PACS2: variants seen among roughly 807,000 people sequenced by gnomAD.
PACS2 encodes phosphofurin acidic cluster sorting protein 2.
In PACS2, 36 loss-of-function variants were observed where a neutral mutation model predicts 113.0. The ratio of observed to expected loss-of-function variants is 0.32; its 90% CI spans 0.24 to 0.42. The LOEUF (loss-of-function observed/expected upper bound fraction) is 0.42. Ranked by LOEUF, PACS2 falls within the 10% of genes least tolerant of loss-of-function variation. PACS2 has a pLI of 1.00. For synonymous variants in PACS2, 589 were observed against 536.1 expected, an observed-to-expected ratio of 1.10 and a Z score of -1.36; for missense variants, 1,015 against 1,239.5, an observed-to-expected ratio of 0.82 and a Z score of 2.72.
chr14:105,339,040 G>C (rs375583359), intron 1 of PACS2, among the ~76,000 whole-genome samples: 1 of 152,194 alleles, frequency 6.6e-6, no homozygotes, highest in Admixed American at 6.5e-5. Flanking sequence ...ACCAACCCAG[G>C]CTGACTTCAG....
chr14:105,305,922 C>T (rs981389126), intron 1 of PACS2, among the ~76,000 whole-genome samples: 1 of 152,242 alleles, frequency 6.6e-6, no homozygotes, highest in African/African-American at 2.4e-5. Flanking sequence ...CCAAAGAGGA[C>T]GCTGGAAACG....
In PACS2 at chr14:105,315,069, C is replaced by T. The variant is rs868423714; in HGVS notation, c.119+32C>T. 257 of 1,127,456 alleles carry T rather than the reference C, an allele frequency of 2.3e-4. No individual in the cohort carries two copies. Among genetic ancestry groups the T allele is most frequent in the Non-Finnish European group, 2.6e-4 (239 of 913,682 alleles). The allele number at this position is 1,127,456 out of a possible 1,614,324, so 69.8% of individuals were successfully genotyped here. ...GCCGCCCGCCGCGCTTTGTTCCCGCCGGGCACCTGCTGGGGGTGTCCTGGC... is the reference window on the plus strand; with the variant it reads ...GCCGCCCGCCGCGCTTTGTTCCCGCTGGGCACCTGCTGGGGGTGTCCTGGC... On this transcript the variant is annotated intron_variant, in intron 1 of 24. Transcript: ENST00000447393. The surrounding 1 kb of genome is among the most constrained non-coding windows in gnomAD (Gnocchi z 4.4).
At position 105,329,101 on chromosome 14, in the gene PACS2, C is replaced by T. The variant is rs1190263237; in HGVS notation, c.119+14064C>T. ...AGGGAGGACTCCCTGGAGGCTGGCC[C>T]TGCGCCCTGGAGGCCAGCATGGCCC... On this transcript the variant is annotated intron_variant, in intron 1 of 24. Coordinates refer to ENST00000447393, the MANE Select transcript of PACS2 (RefSeq NM_001100913.3). The surrounding 1 kb of genome is among the most constrained non-coding windows in gnomAD (Gnocchi z 6.4). 6.6e-6 allele frequency among the ~76,000 whole-genome samples: 1 copy of T among 152,204 alleles called. No homozygotes were observed. Among genetic ancestry groups the T allele is most frequent in the Admixed American group, 6.5e-5 (1 of 15,280 alleles).
intron 10 of PACS2, 61 bp from the exon 11 acceptor site, chr14:105,380,019 G>T (rs1211023426): frequency 6.7e-7 from 1 of 1,482,004 alleles, no homozygotes; most frequent in African/African-American, 1.4e-5. Flanking sequence ...TCCCAGTCCA[G>T]AAGTCAGCGC....
At position 105,322,536 on chromosome 14, in the gene PACS2, G is replaced by GATTACAGGCATAAGCC. The variant is rs1480278329; in HGVS notation, c.119+7501_119+7516dup. Reference sequence around the variant, plus strand: ...CCGCCTCGGCCTCCCAAAGTGCTGGGATTACAGGCATAAGCCACCACGCCC... The same window carrying GATTACAGGCATAAGCC: ...CCGCCTCGGCCTCCCAAAGTGCTGGGATTACAGGCATAAGCCATTACAGGCATAAGCCACCACGCCC... On this transcript the variant is annotated intron_variant, in intron 1 of 24. Transcript: ENST00000447393. Among the ~76,000 whole-genome samples, 16 of 152,362 alleles carry GATTACAGGCATAAGCC rather than the reference G, an allele frequency of 1.1e-4. No individual in the cohort carries two copies. The East Asian group carries it at 3.1e-3, about 29-fold the overall frequency.
In PACS2 at chr14:105,324,039, A is replaced by T. The variant is rs587701078; in HGVS notation, c.119+9002A>T. Reference sequence around the variant, plus strand: ...CATGTCAGTGGGTCTCCTGCTGGGGACTGGCTTTTGTGCAGGAGATGGAGG... The same window carrying T: ...CATGTCAGTGGGTCTCCTGCTGGGGTCTGGCTTTTGTGCAGGAGATGGAGG... On this transcript the variant is annotated intron_variant, in intron 1 of 24. Coordinates refer to ENST00000447393, the MANE Select transcript of PACS2 (RefSeq NM_001100913.3). This position sits in a 1 kb window ranked among gnomAD's most constrained non-coding sequence, Gnocchi z 4.7. Among the ~76,000 whole-genome samples, 6 of 152,212 alleles carry T rather than the reference A, an allele frequency of 3.9e-5. No homozygotes were observed. The East Asian group carries it at 7.7e-4, about 20-fold the overall frequency.
chr14:105,381,186 T>G (rs778096852), intron 12 of PACS2, 87 bp downstream of exon 12: 82 of 1,221,378 alleles, frequency 6.7e-5, no homozygotes, highest in Admixed American at 8.3e-5. Flanking sequence ...TGGGTGCGTG[T>G]CAGTCCATCC....
intron 2 of PACS2, among the ~76,000 whole-genome samples, chr14:105,351,960 C>T (rs2060196098): frequency 6.6e-6 from 1 of 152,246 alleles, no homozygotes; most frequent in Admixed American, 6.5e-5. Flanking sequence ...GAGCTCAAGT[C>T]CAGCCTGAGC....
rs2081495379 is a variant in PACS2 at position 105,395,066 on chromosome 14, G to A, written c.*394G>A. On this transcript the variant is annotated 3_prime_UTR_variant, in exon 25 of 25. Coordinates refer to ENST00000447393, the MANE Select transcript of PACS2 (RefSeq NM_001100913.3). ...GCGGAGCTCAGTGGCCACAGGCCGA[G>A]GGCCATGGGGCCGCTCAGTCCCGTT... 4.4e-6 allele frequency: 1 copy of A among 225,818 alleles called. No individual in the cohort carries two copies. Among genetic ancestry groups the A allele is most frequent in the Non-Finnish European group, 8.9e-6 (1 of 111,912 alleles). 14.0% of individuals were successfully genotyped at this position (225,818 alleles called of 1,614,324 possible).
intron 5 of PACS2, among the ~76,000 whole-genome samples, chr14:105,367,841 G>A (rs587639886): frequency 6.6e-6 from 1 of 152,316 alleles, no homozygotes; most frequent in South Asian, 2.1e-4. Flanking sequence ...GGCCCCCTTT[G>A]CCCTCCCTGC....
intron 9 of PACS2, 57 bp from the exon 10 acceptor site, chr14:105,379,682 C>A: frequency 7.1e-7 from 1 of 1,399,296 alleles, no homozygotes; most frequent in Non-Finnish European, 1.0e-6. Context: ...ACTGCGCTTT[C>A]AGTGCAAGAA....
Position 105,356,269 on chromosome 14 carries a change from A to T in PACS2, c.423+1092A>T, listed in dbSNP as rs1440151857. 7.2e-5 allele frequency among the ~76,000 whole-genome samples: 11 copies of T among 152,096 alleles called. No individual in the cohort carries two copies. The highest frequency in any genetic ancestry group is 5.9e-4 in the Admixed American group (9 of 15,288). The stretch of plus-strand genomic sequence containing the variant: ...TACGCATCCAGGACAAGTGCCAAGT[A>T]CTACTCTGGGCTCAGCCCTCCCTGC... On this transcript the variant is annotated intron_variant, in intron 4 of 24. Coordinates refer to ENST00000447393, the MANE Select transcript of PACS2 (RefSeq NM_001100913.3). The surrounding 1 kb of genome is among the most constrained non-coding windows in gnomAD (Gnocchi z 4.0).
chr14:105,393,412 T>G (rs1288648110), intron 24 of PACS2, 77 bp downstream of exon 24: 11 of 952,326 alleles, frequency 1.2e-5, no homozygotes, highest in African/African-American at 4.9e-5. Context: ...GAGCCCAGCC[T>G]AGGAGCTGCG....
At chr14:105,345,189 C>T (rs113131735) in intron 1 of PACS2, among the ~76,000 whole-genome samples, 6,442 of 152,136 alleles carry the variant, frequency 0.042, 471 homozygotes, top group African/African-American at 0.15. Flanking sequence ...AGGCGGATCA[C>T]GAGGTCGGGA....
At chr14:105,337,403 C>G (rs2059569465) in intron 1 of PACS2, among the ~76,000 whole-genome samples, 1 of 152,210 alleles carries the variant, frequency 6.6e-6, no homozygotes, top group South Asian at 2.1e-4. Flanking sequence ...GTGCCACTGA[C>G]CTGCACACTG....
In PACS2 at chr14:105,383,505, TC is replaced by T; in HGVS notation, c.1775del (p.Pro592HisfsTer11). ...DWLGYMRFLV[I>X]PLGSHPVARY... ...CTCGGCTACATGCGCTTCCTGGTCA[TC>T]CCACTGGGTGAGCACCACGCCGTCC... is the stretch of plus-strand genomic sequence containing the variant. On this transcript the variant is annotated frameshift_variant, in exon 16 of 25. Transcript: ENST00000447393. LOFTEE classifies it high-confidence loss of function. The T allele has an allele frequency of 6.3e-7, 1 of 1,593,936 alleles. No individual in the cohort carries two copies.
rs1566976255 is a variant in PACS2 at position 105,394,923 on chromosome 14, C to T, written c.*251C>T. ...AGAAGGACGATGCTGAGCCATGGAT[C>T]GCGGAAGGCGTCCTCTGGCCTCAGG... On this transcript the variant is annotated 3_prime_UTR_variant, in exon 25 of 25. Transcript: ENST00000447393. The T allele has an allele frequency of 6.7e-6, 3 of 450,512 alleles. No individual in the cohort carries two copies. Among genetic ancestry groups the T allele is most frequent in the Non-Finnish European group, 8.2e-6 (2 of 244,272 alleles). The allele number at this position is 450,512 out of a possible 1,614,324, so 27.9% of individuals were successfully genotyped here. A position where few individuals can be genotyped will look rare whatever the true frequency, so the allele number is the denominator to read the frequency against.
intron 6 of PACS2, 99 bp downstream of exon 6, chr14:105,368,246 T>G: frequency 2.1e-6 from 2 of 944,726 alleles, no homozygotes; most frequent in Non-Finnish European, 1.7e-6. Context: ...CTCGTGAGGG[T>G]GGGTGAGCCA....
chr14:105,350,684 C>T (rs978903564), intron 2 of PACS2, among the ~76,000 whole-genome samples: 2 of 152,244 alleles, frequency 1.3e-5, no homozygotes, highest in Admixed American at 6.5e-5. Flanking sequence ...CCTTCTCTGG[C>T]GTGCACCTTC....
Sources: allele counts gnomAD v4.1 joint callset (sites outside exome capture counted in the v4.1 genomes callset), GRCh38; gene constraint gnomAD v4.1.1; non-coding constraint Gnocchi (gnomAD v3.1); transcripts MANE v1.5; gene names NCBI Gene and HGNC (gene_info 2026-07-23, HGNC 2026-07-21).